The following TTC29 variants were observed in gnomAD, a reference collection of about 807,000 sequenced individuals.
TTC29 encodes tetratricopeptide repeat protein 29.
A neutral mutation model predicts 58.1 loss-of-function variants in TTC29; 49 were observed. That is an observed-to-expected ratio of 0.84 (90% CI 0.67 to 1.07). TTC29 has a LOEUF of 1.07. Ranked by LOEUF, TTC29 falls within the 50% of genes least tolerant of loss-of-function variation. TTC29 has a pLI of 0.00. For synonymous variants in TTC29, 209 were observed against 196.8 expected (o/e 1.06, Z -0.52); for missense variants, 582 against 555.6 (o/e 1.05, Z -0.48).
At chr4:146,896,987 TG>T (rs1372609733) in intron 6 of TTC29, among the ~76,000 whole-genome samples, 1 of 152,200 alleles carries the variant, frequency 6.6e-6, no homozygotes, top group Non-Finnish European at 1.5e-5. Flanking sequence ...GTTAAGCCTC[TG>T]GATTAATGCT....
chr4:146,854,993 T>C (rs992690107), intron 8 of TTC29, among the ~76,000 whole-genome samples: 1 of 152,144 alleles, frequency 6.6e-6, no homozygotes, highest in Admixed American at 6.6e-5. Flanking sequence ...ATCTTCATCA[T>C]TAAAAACAAT....
At chr4:146,725,997 C>G (rs1437608662) in intron 11 of TTC29, among the ~76,000 whole-genome samples, 1 of 152,126 alleles carries the variant, frequency 6.6e-6, no homozygotes. Context: ...CTCAGTCTCC[C>G]AAATAATTAG....
intron 4 of TTC29, among the ~76,000 whole-genome samples, chr4:146,910,407 C>T (rs568714474): frequency 6.6e-6 from 1 of 152,084 alleles, no homozygotes; most frequent in South Asian, 2.1e-4. Context: ...AAAAAACAAA[C>T]AAATAACAAA....
At chr4:146,856,994 G>A (rs1238679979) in intron 8 of TTC29, among the ~76,000 whole-genome samples, 1 of 151,778 alleles carries the variant, frequency 6.6e-6, no homozygotes. Flanking sequence ...TACCTAAAAT[G>A]CTGTTTTCCA....
At chr4:146,758,016 GGCTTAAAT>G (rs1423257853) in intron 11 of TTC29, among the ~76,000 whole-genome samples, 1 of 152,088 alleles carries the variant, frequency 6.6e-6, no homozygotes. Flanking sequence ...GACTGTAAAT[GGCTTAAAT>G]GCTGCACTTA....
chr4:146,871,635 AAT>A (rs1730937497), intron 7 of TTC29, among the ~76,000 whole-genome samples: 2 of 151,986 alleles, frequency 1.3e-5, no homozygotes, highest in African/African-American at 4.8e-5. Context: ...CTGAAAATGA[AAT>A]TAAGAAACAA....
chr4:146,825,385 G>A (rs867279395), intron 9 of TTC29, among the ~76,000 whole-genome samples: 2 of 152,164 alleles, frequency 1.3e-5, no homozygotes, highest in Admixed American at 1.3e-4. Context: ...GGAGCAAGGT[G>A]TTCAATTTCC....
intron 5 of TTC29, among the ~76,000 whole-genome samples, chr4:146,907,680 A>G (rs949866423): frequency 6.6e-6 from 1 of 152,064 alleles, no homozygotes; most frequent in South Asian, 2.1e-4. Context: ...TTGTATTTTT[A>G]GTAGAGACGG....
rs1449101880 is a variant in TTC29, at chr4:146,891,571, G to C, written c.586+11973C>G. On this transcript the variant is annotated intron_variant, in intron 6 of 12. Transcript: ENST00000325106. ...CATCACCATCATGTACAACATCAAGGCTCTGACGCTGGGCAGCTGGGAGAT... is the reference window on the plus strand; with the variant it reads ...CATCACCATCATGTACAACATCAAGCCTCTGACGCTGGGCAGCTGGGAGAT... 3.9e-5 allele frequency among the ~76,000 whole-genome samples: 6 copies of C among 152,114 alleles called. No homozygotes were observed. The South Asian group carries it at 1.2e-3, about 32-fold the overall frequency.
chr4:146,847,392 G>T (rs1729241598), intron 8 of TTC29, among the ~76,000 whole-genome samples: 1 of 152,288 alleles, frequency 6.6e-6, no homozygotes, highest in African/African-American at 2.4e-5. Context: ...TCAACAGCAA[G>T]CTTTTGCAGA....
At chr4:146,869,414 A>G (rs1438180307) in intron 7 of TTC29, among the ~76,000 whole-genome samples, 2 of 152,172 alleles carry the variant, frequency 1.3e-5, no homozygotes, top group African/African-American at 2.4e-5. Flanking sequence ...ATCTCACTTT[A>G]GCAGAGTTGA....
chr4:146,936,296 A>C (rs1735812580), intron 4 of TTC29, among the ~76,000 whole-genome samples: 1 of 152,210 alleles, frequency 6.6e-6, no homozygotes, highest in Admixed American at 6.5e-5. Context: ...CTTAAATGTC[A>C]GTAGACTTTT....
At chr4:146,941,158 C>G (rs999355631) in intron 2 of TTC29, among the ~76,000 whole-genome samples, 1 of 152,112 alleles carries the variant, frequency 6.6e-6, no homozygotes, top group East Asian at 1.9e-4. Flanking sequence ...TACAAAAGAA[C>G]CCATGCTTCT....
At chr4:146,799,549 A>G (rs556372833) in intron 11 of TTC29, among the ~76,000 whole-genome samples, 9 of 152,212 alleles carry the variant, frequency 5.9e-5, no homozygotes, top group Non-Finnish European at 1.0e-4. Context: ...TAAATGATGC[A>G]TAAAACTACG....
At chr4:146,927,067 C>G (rs1483375745) in intron 4 of TTC29, among the ~76,000 whole-genome samples, 13 of 116,548 alleles carry the variant, frequency 1.1e-4, no homozygotes, top group Admixed American at 7.5e-4. Flanking sequence ...GGCAACAGAG[C>G]AAGACCCCAT....
intron 9 of TTC29, among the ~76,000 whole-genome samples, chr4:146,823,374 T>C (rs1407995586): frequency 6.6e-6 from 1 of 152,170 alleles, no homozygotes; most frequent in Non-Finnish European, 1.5e-5. Flanking sequence ...CTTTCCCCAT[T>C]GATTGTTTTT....
At chr4:146,805,991 C>G (rs761316223) in intron 10 of TTC29, among the ~76,000 whole-genome samples, 1 of 152,122 alleles carries the variant, frequency 6.6e-6, no homozygotes, top group South Asian at 2.1e-4. Context: ...AGAGAAAGGT[C>G]GGGTTACCCA....
intron 4 of TTC29, among the ~76,000 whole-genome samples, chr4:146,929,094 T>C (rs1735137434): frequency 6.6e-6 from 1 of 152,066 alleles, no homozygotes; most frequent in African/African-American, 2.4e-5. Flanking sequence ...AAACAATTTG[T>C]ATTAATTTAA....
chr4:146,737,602 G>GGC (rs1554007382), intron 11 of TTC29, among the ~76,000 whole-genome samples: 1 of 138,884 alleles, frequency 7.2e-6, no homozygotes, highest in Non-Finnish European at 1.6e-5. Flanking sequence ...GGGGGGGGGG[G>GGC]GCTACAAACG....
Sources: allele counts gnomAD v4.1 joint callset (sites outside exome capture counted in the v4.1 genomes callset), GRCh38; gene constraint gnomAD v4.1.1; transcripts MANE v1.5; gene names NCBI Gene and HGNC (gene_info 2026-07-23, HGNC 2026-07-21).